Variants in HHIPL1 observed in about 807,000 individuals in gnomAD.
The protein encoded by HHIPL1 is HHIP like 1, also known as HHIP-like protein 1.
In HHIPL1, 43 loss-of-function variants were observed where a neutral mutation model predicts 61.8. That is an observed-to-expected ratio of 0.70 (90% CI 0.55 to 0.90). The LOEUF is 0.90. Among genes scored for constraint, HHIPL1 ranks in the 40% least tolerant of loss-of-function variants. The pLI is 0.00. For synonymous variants in HHIPL1, 482 were observed against 515.8 expected (o/e 0.93, Z 0.89); for missense variants, 1,056 against 1,157.7 (o/e 0.91, Z 1.28).
At chr14:99,637,254 AAGAAAGAAAG>A in the HHIPL1 span, among the ~76,000 whole-genome samples, 1 of 147,744 alleles carries the variant, frequency 6.8e-6, no homozygotes, top group Non-Finnish European at 1.5e-5. Context: ...GAAAGAAAGA[AAGAAAGAAAG>A]AAAAAGTGTG....
chr14:99,633,558 G>A, the HHIPL1 span, among the ~76,000 whole-genome samples: 3 of 152,352 alleles, frequency 2.0e-5, no homozygotes, highest in East Asian at 5.8e-4. Context: ...GGATGAGGGT[G>A]CAAATCACAA....
intron 1 of HHIPL1, among the ~76,000 whole-genome samples, chr14:99,651,645 A>T (rs983143111): frequency 4.6e-5 from 7 of 152,108 alleles, no homozygotes; most frequent in African/African-American, 1.4e-4. Context: ...TTGGGTAGGG[A>T]CACAGATCCA....
At position 99,668,276 on chromosome 14, in the gene HHIPL1, T is replaced by C; in HGVS notation, c.1703T>C (p.Val568Ala). Residue 568 changes from valine (V) to alanine (A), a missense_variant, in exon 7 of 9, where the codon GTT (valine) becomes GCT (alanine). By Grantham distance (64) the Val-to-Ala change is moderately conservative (BLOSUM62 0). Coordinates refer to ENST00000330710, the MANE Select transcript of HHIPL1 (RefSeq NM_001127258.3). This position sits in a 1 kb window ranked among gnomAD's most constrained non-coding sequence, Gnocchi z 4.7. ...GEPSATAPRG[V>A]VYKIIDASRR... ...CCGAGTGCCACAGCTCCACGCGGAG[T>C]TGTCTACAAAATAATTGACGCATCC... The C allele has an allele frequency of 6.2e-7, 1 of 1,611,406 alleles. No individual in the cohort carries two copies. The highest frequency in any genetic ancestry group is 8.5e-7 in the Non-Finnish European group (1 of 1,177,902).
chr14:99,638,647 CAG>C, the HHIPL1 span, among the ~76,000 whole-genome samples: 1 of 152,176 alleles, frequency 6.6e-6, no homozygotes. Flanking sequence ...GATAGGGAAA[CAG>C]AGGTTGGGTT....
upstream of HHIPL1, among the ~76,000 whole-genome samples, chr14:99,643,858 G>A (rs181596405): frequency 6.6e-6 from 1 of 152,320 alleles, no homozygotes; most frequent in Admixed American, 6.5e-5. Flanking sequence ...CAGGCCTTGT[G>A]AGGGTCCAGC....
chr14:99,669,204 G>C, intron 7 of HHIPL1: 1 of 1,230,382 alleles, frequency 8.1e-7, no homozygotes, highest in South Asian at 2.9e-5. Context: ...TGCAGAGGCC[G>C]CCCAGGTGCT....
the HHIPL1 span, among the ~76,000 whole-genome samples, chr14:99,620,797 G>T: frequency 6.6e-6 from 1 of 152,240 alleles, no homozygotes; most frequent in Non-Finnish European, 1.5e-5. Flanking sequence ...CTCTGGGCAG[G>T]GCCCATCTCT....
At chr14:99,648,173 GT>G (rs972711157) in intron 1 of HHIPL1, among the ~76,000 whole-genome samples, 1 of 152,142 alleles carries the variant, frequency 6.6e-6, no homozygotes, top group African/African-American at 2.4e-5. Context: ...ACACAGGAAG[GT>G]GCCAGAAATT....
chr14:99,621,709 CTTTTTTTTTTTTTTT>C, the HHIPL1 span, among the ~76,000 whole-genome samples: 1 of 84,534 alleles, frequency 1.2e-5, no homozygotes, highest in African/African-American at 4.6e-5. Flanking sequence ...CTTTTCTTTT[CTTTTTTTTTTTTTTT>C]TTTTTTTTTG....
In HHIPL1 at chr14:99,668,229, G is replaced by A; in HGVS notation, c.1656G>A (p.Leu552=). The change falls in exon 7 of 9, where the codon CTG becomes CTA. Residue 552 remains leucine (L), a synonymous_variant. Transcript: ENST00000330710. The surrounding 1 kb of genome is among the most constrained non-coding windows in gnomAD (Gnocchi z 4.7). ...ISFGEDEAGE[L]YFMSTGEPSA... ...ACTTTGTTCTGTCCAAAGGGGAGCT[G>A]TACTTCATGTCGACAGGGGAGCCGA... 10 of 1,606,762 alleles carry A rather than the reference G, an allele frequency of 6.2e-6. No homozygotes were observed. The highest frequency in any genetic ancestry group is 1.1e-5 in the South Asian group (1 of 90,944).
Position 99,663,009 on chromosome 14 carries a change from G to A in HHIPL1, c.1636G>A (p.Glu546Lys), listed in dbSNP as rs1260805077. 1.2e-6 allele frequency: 2 copies of A among 1,608,856 alleles called. No individual in the cohort carries two copies. Among genetic ancestry groups the A allele is most frequent in the Non-Finnish European group, 1.7e-6 (2 of 1,177,810 alleles). The part of the protein sequence containing the change: ...NYYPYIISFG[E>K]DEAGELYFMS... ...CTACCCGTACATCATCTCCTTCGGG[G>A]AGGACGAGGCCGGTGAGCACTCCTG... Residue 546 changes from glutamate to lysine, a missense_variant, in exon 6 of 9, where the codon GAG becomes AAG. Glu to Lys is a moderately conservative substitution (Grantham distance 56). Coordinates refer to ENST00000330710, the MANE Select transcript of HHIPL1 (RefSeq NM_001127258.3).
Position 99,646,832 on chromosome 14 carries a change from GATATA to G in HHIPL1, c.255+1395_255+1399del, listed in dbSNP as rs1186393743. On this transcript the variant is annotated intron_variant, in intron 1 of 8. Coordinates refer to ENST00000330710, the MANE Select transcript of HHIPL1 (RefSeq NM_001127258.3). ...GATATGATATGATATGATATGATAT[GATATA>G]ATATAATATAATATAATATAATATG... is the stretch of plus-strand genomic sequence containing the variant. 6.6e-3 allele frequency among the ~76,000 whole-genome samples: 761 copies of G among 114,970 alleles called. 11 individuals carry two copies. The highest frequency in any genetic ancestry group is 0.023 in the African/African-American group (719 of 31,144). The allele number at this position is 114,970 out of a possible 152,430, so 75.4% of individuals were successfully genotyped here.
intron 2 of HHIPL1, among the ~76,000 whole-genome samples, 186 bp from the exon 3 acceptor site, chr14:99,656,814 A>T (rs2056039946): frequency 2.8e-4 from 1 of 3,578 alleles, no homozygotes. Context: ...AAAGAAAGAA[A>T]GAAAGAAAGA....
rs367639680 is a variant in HHIPL1 at position 99,668,940 on chromosome 14, C to T, written c.1730+637C>T. On this transcript the variant is annotated intron_variant, in intron 7 of 8. Coordinates refer to ENST00000330710, the MANE Select transcript of HHIPL1 (RefSeq NM_001127258.3). This position sits in a 1 kb window ranked among gnomAD's most constrained non-coding sequence, Gnocchi z 4.7. The stretch of plus-strand genomic sequence containing the variant: ...AGTGGTGGAAATGAGCACAAAGACA[C>T]GAAGTCATGGGCCTGGGGCCCAGGG... 87 of 1,608,646 alleles carry T rather than the reference C, an allele frequency of 5.4e-5. No homozygotes were observed. Among genetic ancestry groups the T allele is most frequent in the Non-Finnish European group, 6.5e-5 (77 of 1,176,082 alleles).
At position 99,675,156 on chromosome 14, in the gene HHIPL1, C is replaced by T. The variant is rs1300090532; in HGVS notation, c.1879C>T (p.Arg627Ter). The T allele has an allele frequency of 9.0e-7, 1 of 1,108,924 alleles. No homozygotes were observed. The highest frequency in any genetic ancestry group is 3.8e-5 in the South Asian group (1 of 26,152). The allele number at this position is 1,108,924 out of a possible 1,614,324, so 68.7% of individuals were successfully genotyped here. A position where few individuals can be genotyped will look rare whatever the true frequency, so the allele number is the denominator to read the frequency against. Residue 627 changes from arginine (R) to a stop codon, truncating the protein, a stop_gained, in exon 9 of 9, where the codon CGA becomes TGA. Transcript: ENST00000330710. LOFTEE classifies it low-confidence loss of function (END_TRUNC). The surrounding 1 kb of genome is among the most constrained non-coding windows in gnomAD (Gnocchi z 5.4). ...GCGGGCGCCCACGCGGGCGCCCCGC[C>T]GAGGGCGCCCCACGGCCGCTCCCCC... ...TARAPTRAPR[R>*]GRPTAAPPAP...
At chr14:99,674,267 G>C (rs2056360414) in intron 8 of HHIPL1, among the ~76,000 whole-genome samples, 3 of 151,880 alleles carry the variant, frequency 2.0e-5, no homozygotes, top group Admixed American at 2.0e-4. Flanking sequence ...CCCAGTGCCT[G>C]GCACTGCACC....
chr14:99,643,952 C>T (rs1268819526), upstream of HHIPL1, among the ~76,000 whole-genome samples: 1 of 152,226 alleles, frequency 6.6e-6, no homozygotes, highest in Non-Finnish European at 1.5e-5. Flanking sequence ...CCTACTGTTG[C>T]TGATCTCAAG....
At position 99,652,104 on chromosome 14, in the gene HHIPL1, G is replaced by A. The variant is rs186553935; in HGVS notation, c.256-120G>A. ...CTTATCGTGGTAACAGGCAGATGGC[G>A]TTGTCTCCATTTTATGGATCAGCAG... On this transcript the variant is annotated intron_variant, in intron 1 of 8. Transcript: ENST00000330710. The A allele has an allele frequency of 1.1e-4, 98 of 887,572 alleles. 1 individual carries two copies. The African/African-American group carries it at 1.2e-3, about 10-fold the overall frequency. 55.0% of individuals were successfully genotyped at this position (887,572 alleles called of 1,614,324 possible). A position where few individuals can be genotyped will look rare whatever the true frequency, so the allele number is the denominator to read the frequency against.
At chr14:99,667,533 A>G (rs1363932015) in intron 6 of HHIPL1, among the ~76,000 whole-genome samples, 1 of 152,040 alleles carries the variant, frequency 6.6e-6, no homozygotes, top group Non-Finnish European at 1.5e-5. Context: ...GAGGCTTAGA[A>G]TGGGACCATC....
Sources: allele counts gnomAD v4.1 joint callset (sites outside exome capture counted in the v4.1 genomes callset), GRCh38; gene constraint gnomAD v4.1.1; non-coding constraint Gnocchi (gnomAD v3.1); transcripts MANE v1.5; gene names NCBI Gene and HGNC (gene_info 2026-07-23, HGNC 2026-07-21).